GLRA2: variants seen among roughly 807,000 people sequenced by gnomAD.
The protein encoded by GLRA2 is glycine receptor subunit alpha-2.
A neutral mutation model predicts 31.6 loss-of-function variants in GLRA2; 11 were observed. The observed-to-expected ratio is 0.35, with a 90% CI of 0.22 to 0.58. GLRA2 has a LOEUF of 0.58. Among genes scored for constraint, GLRA2 ranks in the 20% least tolerant of loss-of-function variants. GLRA2 has a pLI of 0.84. For missense variants in GLRA2, 212 were observed against 351.8 expected (o/e 0.60, Z 3.18); for synonymous variants, 132 against 134.0 (o/e 0.99, Z 0.10).
chrX:14,489,782 C>T, the GLRA2 span, among the ~76,000 whole-genome samples: 1 of 112,311 alleles, frequency 8.9e-6, no homozygotes, highest in African/African-American at 3.2e-5. Flanking sequence ...CACTGCTGAC[C>T]AGTAGACATT....
At chrX:14,668,593 G>A (rs2091057482) in intron 7 of GLRA2, among the ~76,000 whole-genome samples, 1 of 112,575 alleles carries the variant, frequency 8.9e-6, no homozygotes, top group South Asian at 3.7e-4. Context: ...TGTGGCAGGG[G>A]AGGCTTCACA....
At chrX:14,631,316 T>C (rs1372897246) in intron 7 of GLRA2, among the ~76,000 whole-genome samples, 1 of 111,366 alleles carries the variant, frequency 9.0e-6, no homozygotes, top group Non-Finnish European at 1.9e-5. Context: ...TTTGAACATA[T>C]AGAATGTAGT....
At chrX:14,454,059 G>A in the GLRA2 span, among the ~76,000 whole-genome samples, 1 of 110,779 alleles carries the variant, frequency 9.0e-6, no homozygotes, top group Non-Finnish European at 1.9e-5. Context: ...AGGTGAGTTG[G>A]TTTTAAGAGG....
At chrX:14,614,361 G>A (rs1047848833) in intron 7 of GLRA2, among the ~76,000 whole-genome samples, 1 of 111,436 alleles carries the variant, frequency 9.0e-6, no homozygotes. Context: ...ATTTCCAGAT[G>A]AATAATGTAT....
intron 7 of GLRA2, among the ~76,000 whole-genome samples, chrX:14,644,581 A>G (rs1053460964): frequency 8.9e-6 from 1 of 112,059 alleles, no homozygotes; most frequent in Non-Finnish European, 1.9e-5. Context: ...TAAAAAGCCC[A>G]GGGTGTCAAA....
the GLRA2 span, among the ~76,000 whole-genome samples, chrX:14,518,315 C>T: frequency 3.6e-5 from 4 of 112,148 alleles, no homozygotes; most frequent in African/African-American, 1.3e-4. Context: ...TTGGCATCCT[C>T]TAATAAAATG....
intron 4 of GLRA2, among the ~76,000 whole-genome samples, chrX:14,595,516 A>G (rs1266578390): frequency 8.9e-6 from 1 of 111,991 alleles, no homozygotes; most frequent in African/African-American, 3.2e-5. Flanking sequence ...CAGAGCTTTC[A>G]GAAATGGTAA....
intron 2 of GLRA2, among the ~76,000 whole-genome samples, chrX:14,540,129 C>T (rs2089381591): frequency 9.0e-6 from 1 of 111,498 alleles, no homozygotes; most frequent in Non-Finnish European, 1.9e-5. Context: ...TACTATCTCA[C>T]TTAAATAAAA....
the GLRA2 span, among the ~76,000 whole-genome samples, chrX:14,502,245 A>G: frequency 8.9e-6 from 1 of 111,776 alleles, no homozygotes; most frequent in Admixed American, 9.5e-5. Context: ...TACCTTCTCC[A>G]TTAAATGAAG....
At chrX:14,525,615 G>T (rs1370967673), upstream of GLRA2, among the ~76,000 whole-genome samples, 1 of 111,245 alleles carries the variant, frequency 9.0e-6, no homozygotes, top group Non-Finnish European at 1.9e-5. Flanking sequence ...GACACTGAGA[G>T]GGATTAAATG....
chrX:14,681,910 A>ATATAT (rs1556060453), intron 7 of GLRA2, among the ~76,000 whole-genome samples: 5 of 41,280 alleles, frequency 1.2e-4, no homozygotes, highest in African/African-American at 4.9e-4. Context: ...AAAAAAAAAA[A>ATATAT]ATATATATAT....
intron 1 of GLRA2, chrX:14,531,138 AAAT>A (rs1484002944): frequency 1.2e-5 from 11 of 943,666 alleles, no homozygotes; most frequent in African/African-American, 2.0e-5. Context: ...CATCATAATC[AAAT>A]AATACTTGAT....
the GLRA2 span, among the ~76,000 whole-genome samples, chrX:14,471,113 A>G: frequency 8.9e-6 from 1 of 111,961 alleles, no homozygotes; most frequent in South Asian, 3.7e-4. Flanking sequence ...TCTCATCCTA[A>G]GAACTTTTAT....
upstream of GLRA2, chrX:14,529,299 C>T (rs1161523417): frequency 1.9e-5 from 2 of 105,856 alleles, no homozygotes; most frequent in African/African-American, 6.9e-5. Flanking sequence ...TCAGACCCCA[C>T]TTCCCTCACC....
At chrX:14,677,398 T>C (rs2091155619) in intron 7 of GLRA2, among the ~76,000 whole-genome samples, 1 of 111,725 alleles carries the variant, frequency 9.0e-6, no homozygotes, top group Non-Finnish European at 1.9e-5. Context: ...TCCTATACTT[T>C]AGTTGGGTGG....
intron 7 of GLRA2, among the ~76,000 whole-genome samples, chrX:14,636,746 A>G (rs1013324931): frequency 1.8e-5 from 2 of 112,126 alleles, no homozygotes; most frequent in Non-Finnish European, 3.8e-5. Flanking sequence ...ACTAGGGGAA[A>G]CTAGGTGTGC....
chrX:14,582,569 G>T (rs1470599461), intron 4 of GLRA2, among the ~76,000 whole-genome samples: 1 of 111,062 alleles, frequency 9.0e-6, no homozygotes, highest in Admixed American at 9.6e-5. Context: ...TTTGGTTATT[G>T]CTGTTCATGA....
At chrX:14,723,237 T>C (rs1216732478) in intron 8 of GLRA2, among the ~76,000 whole-genome samples, 1 of 112,326 alleles carries the variant, frequency 8.9e-6, no homozygotes, top group Non-Finnish European at 1.9e-5. Flanking sequence ...TGGTGTCTTC[T>C]TTCTCATTGA....
chrX:14,510,113 T>C, the GLRA2 span, among the ~76,000 whole-genome samples: 1 of 111,487 alleles, frequency 9.0e-6, no homozygotes, highest in Admixed American at 9.6e-5. Context: ...TAAAAGTTTG[T>C]GGTTAAAATT....
Sources: allele counts gnomAD v4.1 joint callset (sites outside exome capture counted in the v4.1 genomes callset), GRCh38; gene constraint gnomAD v4.1.1; transcripts MANE v1.5; gene names NCBI Gene and HGNC (gene_info 2026-07-23, HGNC 2026-07-21).